TIMM17A: variants seen among roughly 807,000 people sequenced by gnomAD.
The protein encoded by TIMM17A is translocase of inner mitochondrial membrane 17A.
In TIMM17A, 15 loss-of-function variants were observed where a neutral mutation model predicts 26.5. That is an observed-to-expected ratio of 0.57 (90% CI 0.38 to 0.87). The LOEUF (loss-of-function observed/expected upper bound fraction) is 0.87. TIMM17A is among the 40% of genes least tolerant of loss of function. The probability of loss-of-function intolerance (pLI) is 0.00; values close to 1 mark genes in which losing one functional copy is unlikely to be tolerated. For missense variants in TIMM17A, 201 were observed against 210.0 expected, an observed-to-expected ratio of 0.96 and a Z score of 0.27; for synonymous variants, 80 against 70.8, an observed-to-expected ratio of 1.13 and a Z score of -0.66.
At position 201,965,464 on chromosome 1, in the gene TIMM17A, A is replaced by G; in HGVS notation, c.351A>G (p.Ala117=). ...NGPVAMVGSA[A]MGGILLALIE... is the part of the protein sequence containing the mutation. ...CAGTGGCCATGGTTGGGTCAGCCGC[A>G]ATGGGTGGCATTCTCCTAGCTTTAA... Residue 117 remains alanine, a synonymous_variant, in exon 5 of 6, where the codon GCA becomes GCG. Coordinates refer to ENST00000367287, the MANE Select transcript of TIMM17A (RefSeq NM_006335.3). The G allele has an allele frequency of 6.2e-7, 1 of 1,614,038 alleles. No individual in the cohort carries two copies. The highest frequency in any genetic ancestry group is 8.5e-7 in the Non-Finnish European group (1 of 1,179,920).
At chr1:201,957,754 T>C in intron 3 of TIMM17A, 180 bp downstream of exon 3, 1 of 549,030 alleles carries the variant, frequency 1.8e-6, no homozygotes, top group South Asian at 2.8e-5. Flanking sequence ...ACCTGAATTA[T>C]GATACCCATT....
Position 201,962,735 on chromosome 1 carries a change from G to A in TIMM17A, c.191-881G>A, listed in dbSNP as rs894323274. ...ATTCATATCTGAGGAATAAAGGATG[G>A]ACAGGCAATTTCCATCCCTTTGATG... On this transcript the variant is annotated intron_variant, in intron 3 of 5. Coordinates refer to ENST00000367287, the MANE Select transcript of TIMM17A (RefSeq NM_006335.3). 4 of 152,182 alleles carry A rather than the reference G, an allele frequency of 2.6e-5. No individual in the cohort carries two copies. In the South Asian group the frequency reaches 8.3e-4, roughly 31 times the overall value. 9.4% of individuals were successfully genotyped at this position (152,182 alleles called of 1,614,324 possible). A position where few individuals can be genotyped will look rare whatever the true frequency, so the allele number is the denominator to read the frequency against.
chr1:201,958,258 G>T (rs1682465536), intron 3 of TIMM17A, among the ~76,000 whole-genome samples: 1 of 152,166 alleles, frequency 6.6e-6, no homozygotes, highest in African/African-American at 2.4e-5. Flanking sequence ...AAGCCGATTG[G>T]GCTCTTCTCC....
chr1:201,958,441 G>A (rs181647309), intron 3 of TIMM17A, among the ~76,000 whole-genome samples: 2 of 152,376 alleles, frequency 1.3e-5, no homozygotes, highest in Non-Finnish European at 2.9e-5. Context: ...AATGGCTCAC[G>A]CCAATAATCC....
At chr1:201,967,845 CT>C (rs1404153150) in intron 5 of TIMM17A, among the ~76,000 whole-genome samples, 2 of 151,760 alleles carry the variant, frequency 1.3e-5, no homozygotes, top group Non-Finnish European at 2.9e-5. Context: ...CTGGAATCTC[CT>C]TTTTAGTAAT....
Position 201,963,637 on chromosome 1 carries a change from G to T in TIMM17A, c.212G>T (p.Gly71Val), listed in dbSNP as rs1360097199. ...QLGGSFAVWG[G>V]LFSMIDCSMV... ...ATAGGTAGCTTTGCAGTTTGGGGAG[G>T]GCTGTTTTCCATGATTGACTGTAGT... is the stretch of plus-strand genomic sequence containing the variant. The change falls in exon 4 of 6, where the codon GGG becomes GTG. Residue 71 changes from glycine to valine, a missense_variant. Gly to Val is a moderately radical substitution (Grantham distance 109, BLOSUM62 -3). Coordinates refer to ENST00000367287, the MANE Select transcript of TIMM17A (RefSeq NM_006335.3). 1.2e-6 allele frequency: 2 copies of T among 1,603,310 alleles called. No individual in the cohort carries two copies. Among genetic ancestry groups the T allele is most frequent in the Non-Finnish European group, 1.7e-6 (2 of 1,177,344 alleles).
chr1:201,968,981 G>A (rs1008776434), intron 5 of TIMM17A, among the ~76,000 whole-genome samples: 1 of 151,752 alleles, frequency 6.6e-6, no homozygotes, highest in Non-Finnish European at 1.5e-5. Flanking sequence ...GTAAGCTAGG[G>A]GGTGTCTTCC....
Position 201,955,553 on chromosome 1 carries a change from G to C in TIMM17A, c.26+1G>C, listed in dbSNP as rs1682393422. 5 of 1,614,244 alleles carry C rather than the reference G, an allele frequency of 3.1e-6. No individual in the cohort carries two copies. Among genetic ancestry groups the C allele is most frequent in the Non-Finnish European group, 4.2e-6 (5 of 1,180,044 alleles). On this transcript the variant is annotated splice_donor_variant, in intron 1 of 5. Coordinates refer to ENST00000367287, the MANE Select transcript of TIMM17A (RefSeq NM_006335.3). LOFTEE classifies it high-confidence loss of function. ...TGGAGGAGTACGCGCGAGAGCCTTG[G>C]TGAGCTTCACCGCTGTCTTTGCATT...
intron 1 of TIMM17A, among the ~76,000 whole-genome samples, chr1:201,956,164 G>GTAA (rs920879400): frequency 3.9e-5 from 6 of 152,148 alleles, no homozygotes; most frequent in Admixed American, 2.6e-4. Context: ...ATAGGAAGAG[G>GTAA]TAATAGCATG....
At chr1:201,966,313 G>C (rs1682624727) in intron 5 of TIMM17A, among the ~76,000 whole-genome samples, 1 of 151,204 alleles carries the variant, frequency 6.6e-6, no homozygotes, top group Non-Finnish European at 1.5e-5. Flanking sequence ...AGTGAGCCGA[G>C]ATCACACCAC....
intron 3 of TIMM17A, 74 bp downstream of exon 3, chr1:201,957,648 A>T (rs1682440354): frequency 8.1e-7 from 1 of 1,234,976 alleles, no homozygotes; most frequent in Non-Finnish European, 1.2e-6. Flanking sequence ...TTATTTTTAG[A>T]TTACAACAAT....
Position 201,969,557 on chromosome 1 carries a change from C to A in TIMM17A, c.*3C>A. On this transcript the variant is annotated 3_prime_UTR_variant, in exon 6 of 6. Coordinates refer to ENST00000367287, the MANE Select transcript of TIMM17A (RefSeq NM_006335.3). ...GAGACTATCGACAATATCAGTAGGA[C>A]TTCTTTCCTAGGATTTCTTTAACAG... The A allele has an allele frequency of 6.2e-7, 1 of 1,608,826 alleles. No individual in the cohort carries two copies. Among genetic ancestry groups the A allele is most frequent in the Non-Finnish European group, 8.5e-7 (1 of 1,175,868 alleles).
chr1:201,965,349 A>G (rs112613484), intron 4 of TIMM17A, 84 bp from the exon 5 acceptor site: 11 of 967,392 alleles, frequency 1.1e-5, no homozygotes, highest in Middle Eastern at 2.6e-4. Context: ...GCATGTCACC[A>G]TATGGACAGT....
Position 201,969,641 on chromosome 1 carries a change from C to A in TIMM17A, c.*87C>A. 1 of 1,186,740 alleles carries A rather than the reference C, an allele frequency of 8.4e-7. No homozygotes were observed. The highest frequency in any genetic ancestry group is 1.2e-6 in the Non-Finnish European group (1 of 800,614). 73.5% of individuals were successfully genotyped at this position (1,186,740 alleles called of 1,614,324 possible). A position where few individuals can be genotyped will look rare whatever the true frequency, so the allele number is the denominator to read the frequency against. On this transcript the variant is annotated 3_prime_UTR_variant, in exon 6 of 6. Coordinates refer to ENST00000367287, the MANE Select transcript of TIMM17A (RefSeq NM_006335.3). The stretch of plus-strand genomic sequence containing the variant: ...TCAAGTTACAGTCTGTTTTTAAAAC[C>A]ATAGGTGGGACAGCTATGGCCAATA...
At chr1:201,957,650 TACA>T (rs1256338610) in intron 3 of TIMM17A, 76 bp downstream of exon 3, 2 of 1,235,870 alleles carry the variant, frequency 1.6e-6, no homozygotes, top group Non-Finnish European at 2.3e-6. Context: ...ATTTTTAGAT[TACA>T]ACAATTAGTG....
rs1370596151 is a variant in TIMM17A, at chr1:201,969,496, A to G, written c.458A>G (p.Gln153Arg). Residue 153 changes from glutamine (Q) to arginine (R), a missense_variant, in exon 6 of 6, where the codon CAG becomes CGG. Physicochemically the swap from Gln to Arg is conservative, Grantham distance 43. Coordinates refer to ENST00000367287, the MANE Select transcript of TIMM17A (RefSeq NM_006335.3). ...NGPQFAEDPS[Q>R]LPSTQLPSSP... ...CCTCAGTTTGCAGAAGACCCCTCCC[A>G]GTTGCCTTCAACTCAGTTACCTTCC... 6.2e-7 allele frequency: 1 copy of G among 1,613,972 alleles called. No individual in the cohort carries two copies. The highest frequency in any genetic ancestry group is 8.5e-7 in the Non-Finnish European group (1 of 1,179,928).
At position 201,969,455 on chromosome 1, in the gene TIMM17A, T is replaced by C; in HGVS notation, c.431-14T>C. 18 of 1,603,484 alleles carry C rather than the reference T, an allele frequency of 1.1e-5. No homozygotes were observed. The highest frequency in any genetic ancestry group is 1.5e-5 in the Non-Finnish European group (18 of 1,171,254). ...TCAGGTGATTTTTAAATCCTTTTTA[T>C]TTCTCACTTGCAGGTCCTCAGTTTG... On this transcript the variant is annotated splice_polypyrimidine_tract_variant and intron_variant, in intron 5 of 5. Coordinates refer to ENST00000367287, the MANE Select transcript of TIMM17A (RefSeq NM_006335.3).
chr1:201,966,153 A>G (rs1428777296), intron 5 of TIMM17A, among the ~76,000 whole-genome samples: 1 of 152,156 alleles, frequency 6.6e-6, no homozygotes, highest in African/African-American at 2.4e-5. Flanking sequence ...TATATGATGC[A>G]TAGGGTAATA....
At chr1:201,955,942 C>G (rs1682402017) in intron 1 of TIMM17A, among the ~76,000 whole-genome samples, 1 of 152,192 alleles carries the variant, frequency 6.6e-6, no homozygotes, top group East Asian at 1.9e-4. Context: ...TCAGTTCCTG[C>G]GTTGAGGAAC....
Sources: gnomAD v4.1 joint callset for allele counts (sites outside exome capture counted in the v4.1 genomes callset) on GRCh38, gnomAD v4.1.1 for gene constraint, MANE v1.5 for transcripts, NCBI Gene and HGNC (gene_info 2026-07-23, HGNC 2026-07-21) for gene names.